ZNF197: variants seen among roughly 807,000 people sequenced by gnomAD.
ZNF197 encodes the protein zinc finger protein 197, also known as VHL-associated KRAB-A domain-containing protein.
Under a neutral mutation model 27.4 loss-of-function variants are expected in ZNF197, and 14 were observed. The ratio of observed to expected loss-of-function variants is 0.51; its 90% CI spans 0.34 to 0.80. The LOEUF (loss-of-function observed/expected upper bound fraction) is 0.80. ZNF197 is among the 30% of genes least tolerant of loss of function. ZNF197 has a pLI of 0.02. For missense variants in ZNF197, 1,090 were observed against 1,222.6 expected (o/e 0.89, Z 1.62); for synonymous variants, 415 against 420.0 (o/e 0.99, Z 0.15).
Position 44,643,530 on chromosome 3 carries a change from T to A in ZNF197, c.2400T>A (p.Ile800=). Residue 800 remains isoleucine (I), a synonymous_variant, in exon 6 of 6, where the codon ATT becomes ATA. Transcript: ENST00000344387. ...GTGATGAGTGTGGCAAATGCTTCAT[T>A]CTGAAGAAAAGCCTCATTGGACATC... ...YECDECGKCF[I]LKKSLIGHQR... 6.2e-7 allele frequency: 1 copy of A among 1,614,104 alleles called. No homozygotes were observed. The highest frequency in any genetic ancestry group is 8.5e-7 in the Non-Finnish European group (1 of 1,180,012).
chr3:44,638,147 T>G (rs963925333), intron 5 of ZNF197, among the ~76,000 whole-genome samples: 9 of 152,226 alleles, frequency 5.9e-5, no homozygotes, highest in African/African-American at 2.2e-4. Context: ...TTTTGTAGTT[T>G]TCAGAATATA....
In ZNF197 at chr3:44,642,109, T is replaced by G; in HGVS notation, c.979T>G (p.Cys327Gly). 1 of 1,614,032 alleles carries G rather than the reference T, an allele frequency of 6.2e-7. No individual in the cohort carries two copies. The highest frequency in any genetic ancestry group is 8.5e-7 in the Non-Finnish European group (1 of 1,179,982). The change falls in exon 6 of 6, where the codon TGT becomes GGT. Residue 327 changes from cysteine to glycine, a missense_variant. Cys to Gly is a radical substitution (Grantham distance 159). Transcript: ENST00000344387. ...AGATACAGTGAAGAAAGTTTCCCTT[T>G]GTGAACGAGACAAGAAGAAAAGGAC... ...RADTVKKVSL[C>G]ERDKKKRTPP...
chr3:44,639,907 T>G (rs1002292534), intron 5 of ZNF197, among the ~76,000 whole-genome samples: 2 of 152,134 alleles, frequency 1.3e-5, no homozygotes, highest in Admixed American at 6.6e-5. Context: ...GATACCCCTT[T>G]GACTCCACTG....
intron 5 of ZNF197, 128 bp from the exon 6 acceptor site, chr3:44,641,772 G>A: frequency 1.8e-6 from 2 of 1,105,550 alleles, no homozygotes; most frequent in South Asian, 1.8e-5. Flanking sequence ...TTCCTTTAAT[G>A]AAAAGTTTCT....
At chr3:44,641,477 A>G (rs1167126646) in intron 5 of ZNF197, among the ~76,000 whole-genome samples, 3 of 152,182 alleles carry the variant, frequency 2.0e-5, no homozygotes, top group Admixed American at 2.0e-4. Flanking sequence ...GTCCTTACAT[A>G]TATTTTCCTT....
intron 3 of ZNF197, 70 bp from the exon 4 acceptor site, chr3:44,632,035 C>A: frequency 7.4e-7 from 1 of 1,344,004 alleles, no homozygotes; most frequent in Non-Finnish European, 1.1e-6. Context: ...TTGTGTTATT[C>A]CAGCTCTGCA....
intron 4 of ZNF197, 136 bp from the exon 5 acceptor site, chr3:44,632,337 G>A (rs1042510958): frequency 6.7e-7 from 1 of 1,482,594 alleles, no homozygotes; most frequent in Non-Finnish European, 9.3e-7. Flanking sequence ...GACTTTACAT[G>A]TGATCTCCTT....
chr3:44,630,216 T>TTAAA (rs994804875), intron 2 of ZNF197, among the ~76,000 whole-genome samples: 5 of 152,112 alleles, frequency 3.3e-5, no homozygotes, highest in Admixed American at 1.3e-4. Flanking sequence ...GATCCTGTCT[T>TTAAA]TAAATAAATA....
chr3:44,642,609 G>C lies in ZNF197; in HGVS notation c.1479G>C (p.Gln493His). 1 of 1,614,020 alleles carries C rather than the reference G, an allele frequency of 6.2e-7. No homozygotes were observed. The highest frequency in any genetic ancestry group is 8.5e-7 in the Non-Finnish European group (1 of 1,180,006). ...ATGAATGTGGGAAAGTCTTCTCTCA[G>C]AATGCTTACCTCATTGACCATCAGA... ...KCNECGKVFSQNAYLIDHQRL... is the reference protein window; with the variant it reads ...KCNECGKVFSHNAYLIDHQRL... Residue 493 changes from glutamine (Q) to histidine (H), a missense_variant, in exon 6 of 6, where the codon CAG becomes CAC. Physicochemically the swap from Gln to His is conservative, Grantham distance 24. Coordinates refer to ENST00000344387, the MANE Select transcript of ZNF197 (RefSeq NM_006991.5).
rs1575510234 is a variant in ZNF197, at chr3:44,648,280, G to C, written c.*4060G>C. 6.6e-6 allele frequency: 1 copy of C among 152,260 alleles called. No individual in the cohort carries two copies. Among genetic ancestry groups the C allele is most frequent in the Non-Finnish European group, 1.5e-5 (1 of 68,020 alleles). The allele number at this position is 152,260 out of a possible 1,614,324, so 9.4% of individuals were successfully genotyped here. On this transcript the variant is annotated 3_prime_UTR_variant, in exon 6 of 6. Transcript: ENST00000344387. ...TTAATCTTAAGGGATGCATGTTGAA[G>C]TATTTGGAATGAAGTGTTCTGATGT...
chr3:44,644,323 A>G lies in ZNF197; in HGVS notation c.*103A>G, dbSNP rs1212880388. 2.1e-6 allele frequency: 3 copies of G among 1,457,196 alleles called. No individual in the cohort carries two copies. Among genetic ancestry groups the G allele is most frequent in the East Asian group, 2.5e-5 (1 of 40,346 alleles). The allele number at this position is 1,457,196 out of a possible 1,614,324, so 90.3% of individuals were successfully genotyped here. A position where few individuals can be genotyped will look rare whatever the true frequency, so the allele number is the denominator to read the frequency against. ...AAAAGTTTATTATTTACTCTTTACT[A>G]GACAAATGAGTAGCATATAGAAGAA... On this transcript the variant is annotated 3_prime_UTR_variant, in exon 6 of 6. Coordinates refer to ENST00000344387, the MANE Select transcript of ZNF197 (RefSeq NM_006991.5).
At position 44,645,803 on chromosome 3, in the gene ZNF197, A is replaced by C. The variant is rs1420520728; in HGVS notation, c.*1583A>C. The C allele has an allele frequency of 2.0e-6, 2 of 985,466 alleles. No homozygotes were observed. Among genetic ancestry groups the C allele is most frequent in the Middle Eastern group, 5.2e-4 (1 of 1,914 alleles). 61.0% of individuals were successfully genotyped at this position (985,466 alleles called of 1,614,324 possible). ...ATGGAGCCAAGCTCTTCACTGATTA[A>C]GCCAGTGCAGAATCCACTTGTGGGC... is the stretch of plus-strand genomic sequence containing the variant. On this transcript the variant is annotated 3_prime_UTR_variant, in exon 6 of 6. Coordinates refer to ENST00000344387, the MANE Select transcript of ZNF197 (RefSeq NM_006991.5).
intron 2 of ZNF197, among the ~76,000 whole-genome samples, chr3:44,629,934 C>CTA (rs779596000): frequency 6.6e-6 from 1 of 152,270 alleles, no homozygotes; most frequent in East Asian, 1.9e-4. Flanking sequence ...GTATAAAAGG[C>CTA]AATAGCAGGC....
At position 44,642,365 on chromosome 3, in the gene ZNF197, G is replaced by A; in HGVS notation, c.1235G>A (p.Ser412Asn). Residue 412 changes from serine to asparagine, a missense_variant, in exon 6 of 6, where the codon AGC becomes AAC. Coordinates refer to ENST00000344387, the MANE Select transcript of ZNF197 (RefSeq NM_006991.5). ...ECGKGFIQRS[S>N]LLMHLRNHSG... ...GGAAAAGGCTTTATTCAGCGTTCGA[G>A]CCTTCTAATGCATTTACGGAACCAT... The A allele has an allele frequency of 1.2e-6, 2 of 1,614,098 alleles. No homozygotes were observed. Among genetic ancestry groups the A allele is most frequent in the Non-Finnish European group, 1.7e-6 (2 of 1,180,020 alleles).
rs1401412405 is a variant in ZNF197, at chr3:44,648,301, GA to G, written c.*4082del. The G allele has an allele frequency of 1.3e-5, 2 of 152,130 alleles. No individual in the cohort carries two copies. Among genetic ancestry groups the G allele is most frequent in the Non-Finnish European group, 2.9e-5 (2 of 68,016 alleles). 9.4% of individuals were successfully genotyped at this position (152,130 alleles called of 1,614,324 possible). A position where few individuals can be genotyped will look rare whatever the true frequency, so the allele number is the denominator to read the frequency against. ...TGAAGTATTTGGAATGAAGTGTTCT[GA>G]TGTTTACAACTTTCAAAAAAATGAT... is the stretch of plus-strand genomic sequence containing the variant. On this transcript the variant is annotated 3_prime_UTR_variant, in exon 6 of 6. Coordinates refer to ENST00000344387, the MANE Select transcript of ZNF197 (RefSeq NM_006991.5).
intron 4 of ZNF197, 36 bp from the exon 5 acceptor site, chr3:44,632,437 G>A: frequency 6.4e-7 from 1 of 1,557,420 alleles, no homozygotes; most frequent in Non-Finnish European, 8.7e-7. Context: ...GCAAGTTCCT[G>A]GGCATTGGTA....
chr3:44,633,853 C>T (rs1284532912), intron 5 of ZNF197, among the ~76,000 whole-genome samples: 2 of 152,152 alleles, frequency 1.3e-5, no homozygotes, highest in Non-Finnish European at 2.9e-5. Flanking sequence ...TTCTAATTGA[C>T]TGTCATTTGC....
In ZNF197 at chr3:44,632,197, G is replaced by C. The variant is rs1243970094; in HGVS notation, c.642+1G>C. 1 of 1,613,964 alleles carries C rather than the reference G, an allele frequency of 6.2e-7. No homozygotes were observed. The highest frequency in any genetic ancestry group is 8.5e-7 in the Non-Finnish European group (1 of 1,179,976). On this transcript the variant is annotated splice_donor_variant, in intron 4 of 5. Transcript: ENST00000344387. LOFTEE classifies it high-confidence loss of function. ...TATGCTCCTAACAGCCCAGCCCCAG[G>C]TAAGGTTTGCATCCTCTTTCCTTCC...
Position 44,644,196 on chromosome 3 carries a change from C to T in ZNF197, c.3066C>T (p.Ser1022=), listed in dbSNP as rs1702816046. 6.3e-7 allele frequency: 1 copy of T among 1,594,234 alleles called. No individual in the cohort carries two copies. Among genetic ancestry groups the T allele is most frequent in the Non-Finnish European group, 8.5e-7 (1 of 1,172,870 alleles). ...EFSWLQNTNE[S]KIEIQKI ...CTTGGCTACAAAACACCAATGAGTC[C>T]AAGATTGAGATTCAGAAAATCTAGT... Residue 1022 remains serine (S), a synonymous_variant, in exon 6 of 6, where the codon TCC becomes TCT. Coordinates refer to ENST00000344387, the MANE Select transcript of ZNF197 (RefSeq NM_006991.5).
Sources: allele counts gnomAD v4.1 joint callset (sites outside exome capture counted in the v4.1 genomes callset), GRCh38; gene constraint gnomAD v4.1.1; transcripts MANE v1.5; gene names NCBI Gene and HGNC (gene_info 2026-07-23, HGNC 2026-07-21).